Variants in C1orf141 observed in about 807,000 individuals in gnomAD.
C1orf141 encodes the protein uncharacterized protein C1orf141.
In C1orf141, 19 loss-of-function variants were observed where a neutral mutation model predicts 23.2. The ratio of observed to expected loss-of-function variants is 0.82; its 90% CI spans 0.57 to 1.20. The LOEUF (loss-of-function observed/expected upper bound fraction) is 1.20. Among genes scored for constraint, C1orf141 ranks in the 50% most tolerant of loss-of-function variants. The pLI is 0.00. For missense variants in C1orf141, 469 were observed against 455.1 expected (o/e 1.03, Z -0.28); for synonymous variants, 153 against 154.6 (o/e 0.99, Z 0.08).
chr1:67,113,493 G>A (rs148298029), intron 5 of C1orf141: 278 of 208,040 alleles, frequency 1.3e-3, no homozygotes, highest in African/African-American at 6.1e-3. Context: ...AGCCTCTCAA[G>A]TAGCTGGGAT....
intron 5 of C1orf141, among the ~76,000 whole-genome samples, chr1:67,100,156 C>T (rs772329509): frequency 9.2e-5 from 14 of 152,094 alleles, no homozygotes; most frequent in Non-Finnish European, 1.6e-4. Flanking sequence ...ATTCTCAGAT[C>T]GTTTTCCCCT....
At chr1:67,121,649 TA>T (rs1380656476) in intron 4 of C1orf141, 1 of 152,256 alleles carries the variant, frequency 6.6e-6, no homozygotes, top group Non-Finnish European at 1.5e-5. Context: ...CATTGAATTT[TA>T]AGTTTACATA....
chr1:67,094,358 T>G (rs773189929), intron 7 of C1orf141: 3 of 152,264 alleles, frequency 2.0e-5, no homozygotes, highest in Non-Finnish European at 2.9e-5. Context: ...AATTTTCCAC[T>G]TGACAAGTCT....
At chr1:67,140,370 C>T (rs1189281348) in intron 1 of C1orf141, among the ~76,000 whole-genome samples, 1 of 152,102 alleles carries the variant, frequency 6.6e-6, no homozygotes, top group African/African-American at 2.4e-5. Flanking sequence ...TTGCAAATCA[C>T]TAAGGACAAA....
chr1:67,093,708 A>G (rs1645605213), intron 7 of C1orf141, 104 bp from the exon 8 acceptor site: 1 of 844,578 alleles, frequency 1.2e-6, no homozygotes, highest in South Asian at 2.3e-5. Context: ...TCTAAAAATG[A>G]CTACATACAA....
chr1:67,121,949 C>A (rs774424474), intron 4 of C1orf141: 3 of 152,114 alleles, frequency 2.0e-5, no homozygotes, highest in Admixed American at 2.0e-4. Context: ...AAAGCCATGA[C>A]GAGGGGTGAG....
intron 4 of C1orf141, among the ~76,000 whole-genome samples, chr1:67,118,325 A>G (rs1280868985): frequency 6.6e-6 from 1 of 152,340 alleles, no homozygotes; most frequent in Non-Finnish European, 1.5e-5. Flanking sequence ...ATTGTGAGTC[A>G]TTGACCTGTT....
In C1orf141 at chr1:67,095,288, G is replaced by T; in HGVS notation, c.550C>A (p.Pro184Thr). 3 of 1,607,656 alleles carry T rather than the reference G, an allele frequency of 1.9e-6. No individual in the cohort carries two copies. Among genetic ancestry groups the T allele is most frequent in the Non-Finnish European group, 2.6e-6 (3 of 1,175,946 alleles). ...CTAACGTTGACTATCTTGGCATGTG[G>T]ATTTTTCAATTCATCCTCAAAGCAC... ...PLCFEDELKN[P>T]HAKIVNVSPT... Residue 184 changes from proline to threonine, a missense_variant, in exon 7 of 8, where the codon CCA (proline) becomes ACA (threonine). By Grantham distance (38) the Pro-to-Thr change is conservative. Coordinates refer to ENST00000684719, the MANE Select transcript of C1orf141 (RefSeq NM_001276351.2).
chr1:67,127,069 C>A, intron 3 of C1orf141, 97 bp downstream of exon 3: 2 of 723,710 alleles, frequency 2.8e-6, no homozygotes, highest in Non-Finnish European at 4.4e-6. Context: ...TAGTTTATAT[C>A]ATATTAATGT....
intron 1 of C1orf141, among the ~76,000 whole-genome samples, chr1:67,133,311 T>C (rs1646546721): frequency 6.6e-6 from 1 of 152,204 alleles, no homozygotes; most frequent in Non-Finnish European, 1.5e-5. Context: ...TTCCATTATG[T>C]GGCTTTATCA....
chr1:67,128,170 C>T (rs766965515), intron 2 of C1orf141, among the ~76,000 whole-genome samples: 9 of 151,990 alleles, frequency 5.9e-5, no homozygotes, highest in East Asian at 1.9e-4. Flanking sequence ...TATTGCTAAC[C>T]GTCTCATCTG....
At chr1:67,125,189 T>C (rs1646381259) in intron 4 of C1orf141, among the ~76,000 whole-genome samples, 1 of 152,186 alleles carries the variant, frequency 6.6e-6, no homozygotes, top group Non-Finnish European at 1.5e-5. Flanking sequence ...TGGGGCAATA[T>C]AATTGAGCTC....
chr1:67,125,875 G>A lies in C1orf141; in HGVS notation c.110C>T (p.Thr37Ile). The A allele has an allele frequency of 1.3e-6, 2 of 1,568,176 alleles. No homozygotes were observed. Among genetic ancestry groups the A allele is most frequent in the Non-Finnish European group, 1.7e-6 (2 of 1,153,800 alleles). ...NRLQSEGRKT[T>I]MAIPLTFDFQ... Reference sequence around the variant, plus strand: ...ATCAAATGTCAGGGGTATAGCCATAGTTGTTTTTCTTCCTTCACTCTGAAG... The same window carrying A: ...ATCAAATGTCAGGGGTATAGCCATAATTGTTTTTCTTCCTTCACTCTGAAG... The change falls in exon 4 of 8, where the codon ACT becomes ATT. Residue 37 changes from threonine to isoleucine, a missense_variant. By Grantham distance (89) the Thr-to-Ile change is moderately conservative. Transcript: ENST00000684719.
chr1:67,106,457 GC>G (rs1645929428), intron 5 of C1orf141, among the ~76,000 whole-genome samples: 1 of 152,004 alleles, frequency 6.6e-6, no homozygotes, highest in Admixed American at 6.6e-5. Context: ...GACCAGCCTG[GC>G]CAACATGGTG....
chr1:67,106,687 A>G (rs1036822334), intron 5 of C1orf141, among the ~76,000 whole-genome samples: 2 of 152,052 alleles, frequency 1.3e-5, no homozygotes, highest in Admixed American at 1.3e-4. Flanking sequence ...AGCCAAACAA[A>G]CAAACAAAAA....
chr1:67,117,682 G>A (rs2102472324), intron 4 of C1orf141, among the ~76,000 whole-genome samples: 1 of 152,300 alleles, frequency 6.6e-6, no homozygotes, highest in East Asian at 1.9e-4. Context: ...ATGAGAATGA[G>A]TCAAGGGTTT....
At chr1:67,111,092 T>C (rs1424485895) in intron 5 of C1orf141, among the ~76,000 whole-genome samples, 1 of 151,952 alleles carries the variant, frequency 6.6e-6, no homozygotes, top group Non-Finnish European at 1.5e-5. Flanking sequence ...AGCATGCCCA[T>C]GAACTTCTGC....
chr1:67,120,498 A>G (rs2102478996), intron 4 of C1orf141, among the ~76,000 whole-genome samples: 1 of 152,206 alleles, frequency 6.6e-6, no homozygotes, highest in South Asian at 2.1e-4. Context: ...CCCCCCTTCA[A>G]ATTCATATAT....
intron 5 of C1orf141, among the ~76,000 whole-genome samples, chr1:67,110,405 A>T (rs1354239730): frequency 6.6e-6 from 1 of 152,126 alleles, no homozygotes; most frequent in Admixed American, 6.5e-5. Flanking sequence ...GGTATAAACA[A>T]TCTTTGTTAT....
Sources: allele counts gnomAD v4.1 joint callset (sites outside exome capture counted in the v4.1 genomes callset), GRCh38; gene constraint gnomAD v4.1.1; transcripts MANE v1.5; gene names NCBI Gene and HGNC (gene_info 2026-07-23, HGNC 2026-07-21).